ZCCHC7: variants seen among roughly 807,000 people sequenced by gnomAD.
ZCCHC7 encodes the protein zinc finger CCHC-type containing 7.
In ZCCHC7, 35 loss-of-function variants were observed where a neutral mutation model predicts 52.0. The observed-to-expected ratio is 0.67, with a 90% CI of 0.51 to 0.89. The LOEUF is 0.89. Ranked by LOEUF, ZCCHC7 falls within the 40% of genes least tolerant of loss-of-function variation. ZCCHC7 has a pLI of 0.00. For missense variants in ZCCHC7, 574 were observed against 649.1 expected (o/e 0.88, Z 1.26); for synonymous variants, 217 against 221.5 (o/e 0.98, Z 0.18).
rs745865708 is a variant in ZCCHC7 at position 37,126,493 on chromosome 9, A to G, written c.161A>G (p.His54Arg). 1.1e-5 allele frequency: 17 copies of G among 1,613,634 alleles called. No homozygotes were observed. The highest frequency in any genetic ancestry group is 1.4e-5 in the Non-Finnish European group (16 of 1,180,034). Residue 54 changes from histidine to arginine, a missense_variant, in exon 2 of 9, where the codon CAT becomes CGT. His to Arg is a conservative substitution (Grantham distance 29, BLOSUM62 0). Transcript: ENST00000336755. ...DLDDVIREEE[H>R]EEKNSGNSES... Reference sequence around the variant, plus strand: ...GATGATGTCATCAGGGAGGAAGAGCATGAAGAAAAGAACTCTGGGAATTCG... The same window carrying G: ...GATGATGTCATCAGGGAGGAAGAGCGTGAAGAAAAGAACTCTGGGAATTCG...
chr9:37,353,958 G>A (rs2118682418), intron 7 of ZCCHC7, among the ~76,000 whole-genome samples: 1 of 152,258 alleles, frequency 6.6e-6, no homozygotes, highest in East Asian at 1.9e-4. Flanking sequence ...ATAAACAAAA[G>A]CCTGCTATGT....
intron 6 of ZCCHC7, among the ~76,000 whole-genome samples, chr9:37,341,070 G>A (rs757138528): frequency 6.6e-6 from 1 of 152,088 alleles, no homozygotes; most frequent in Non-Finnish European, 1.5e-5. Context: ...AATAAGAAGT[G>A]TCAACATGAA....
chr9:37,318,351 C>T (rs577201434), intron 5 of ZCCHC7, among the ~76,000 whole-genome samples: 1 of 152,014 alleles, frequency 6.6e-6, no homozygotes, highest in South Asian at 2.1e-4. Flanking sequence ...ATCCCAACTA[C>T]TTGGGAGGCT....
chr9:37,176,742 A>G (rs1822054876), intron 2 of ZCCHC7, among the ~76,000 whole-genome samples: 1 of 152,186 alleles, frequency 6.6e-6, no homozygotes. Context: ...TCTAAACAGC[A>G]TTGCAGTGTT....
intron 5 of ZCCHC7, among the ~76,000 whole-genome samples, chr9:37,320,774 CTA>C (rs1426061564): frequency 6.6e-6 from 1 of 152,144 alleles, no homozygotes; most frequent in Non-Finnish European, 1.5e-5. Flanking sequence ...AAGCTGGATG[CTA>C]TCAACATCTT....
chr9:37,302,380 TG>T, intron 3 of ZCCHC7, 149 bp downstream of exon 3: 1 of 636,870 alleles, frequency 1.6e-6, no homozygotes, highest in Non-Finnish European at 2.7e-6. Context: ...TTCAGAAACT[TG>T]GTTCAGCCTT....
At chr9:37,271,535 A>G (rs1414876836) in intron 2 of ZCCHC7, among the ~76,000 whole-genome samples, 1 of 152,144 alleles carries the variant, frequency 6.6e-6, no homozygotes, top group Non-Finnish European at 1.5e-5. Flanking sequence ...ATGATATTGT[A>G]TTATGGTTAC....
intron 2 of ZCCHC7, among the ~76,000 whole-genome samples, chr9:37,251,324 T>C (rs549110165): frequency 2.0e-5 from 3 of 152,366 alleles, no homozygotes; most frequent in Admixed American, 6.5e-5. Context: ...GTCAAGATCT[T>C]GAAAGGTATC....
intron 2 of ZCCHC7, among the ~76,000 whole-genome samples, chr9:37,140,730 G>T (rs995551054): frequency 6.6e-6 from 1 of 151,918 alleles, no homozygotes; most frequent in African/African-American, 2.4e-5. Context: ...AACTGACTTT[G>T]GTGTATAATT....
chr9:37,247,644 C>A (rs1413913576), intron 2 of ZCCHC7, among the ~76,000 whole-genome samples: 3 of 152,090 alleles, frequency 2.0e-5, no homozygotes. Context: ...TAGTGGCTCA[C>A]ACCTTTAATT....
chr9:37,241,525 A>C (rs1825873017), intron 2 of ZCCHC7, among the ~76,000 whole-genome samples: 1 of 151,826 alleles, frequency 6.6e-6, no homozygotes, highest in Non-Finnish European at 1.5e-5. Context: ...ATTCTGAGTA[A>C]AGCTTTGATT....
In ZCCHC7 at chr9:37,220,249, G is replaced by A. The variant is rs181257771; in HGVS notation, c.611-81939G>A. On this transcript the variant is annotated intron_variant, in intron 2 of 8. Coordinates refer to ENST00000336755, the MANE Select transcript of ZCCHC7 (RefSeq NM_032226.3). ...TTAAGATTGGTGGTCAGTCAAAATG[G>A]AAGGGCATCGGCCAGGCGTGGTGGC... is the stretch of plus-strand genomic sequence containing the variant. Among the ~76,000 whole-genome samples the A allele has an allele frequency of 3.3e-3, 506 of 152,178 alleles. 3 individuals are homozygous for A. Among genetic ancestry groups the A allele is most frequent in the Non-Finnish European group, 4.6e-3 (316 of 67,982 alleles).
At chr9:37,190,682 G>T (rs1266065786) in intron 2 of ZCCHC7, among the ~76,000 whole-genome samples, 1 of 152,110 alleles carries the variant, frequency 6.6e-6, no homozygotes, top group African/African-American at 2.4e-5. Context: ...TAATGTATGG[G>T]TTTCCCCATA....
intron 2 of ZCCHC7, among the ~76,000 whole-genome samples, chr9:37,265,773 C>T (rs1186539171): frequency 1.3e-5 from 2 of 152,064 alleles, no homozygotes; most frequent in East Asian, 1.9e-4. Context: ...TATCCTATTG[C>T]CTTTAAAATT....
intron 6 of ZCCHC7, among the ~76,000 whole-genome samples, chr9:37,346,820 T>G (rs1346184728): frequency 6.6e-6 from 1 of 151,806 alleles, no homozygotes; most frequent in Non-Finnish European, 1.5e-5. Context: ...TACCAAAAAT[T>G]TAAAAAACAA....
chr9:37,126,909 A>G lies in ZCCHC7; in HGVS notation c.577A>G (p.Asn193Asp), dbSNP rs775594608. The change falls in exon 2 of 9, where the codon AAC becomes GAC. Residue 193 changes from asparagine (N) to aspartate (D), a missense_variant. Asn to Asp is a conservative substitution (Grantham distance 23). Around this residue, in one of 3 missense-constraint regions of ZCCHC7, gnomAD observed 403 missense variants for 461.2 expected, o/e 0.87. Transcript: ENST00000336755. ...TGATAAAGATGATGATATCCTTCTC[A>G]ACCTTGTGGGATGTGAAAACTCTGT... ...VDDKDDDILL[N>D]LVGCENSVTE... 1 of 1,614,010 alleles carries G rather than the reference A, an allele frequency of 6.2e-7. No individual in the cohort carries two copies. The highest frequency in any genetic ancestry group is 1.1e-5 in the South Asian group (1 of 91,072).
At chr9:37,126,096 A>G (rs1207825410) in intron 1 of ZCCHC7, among the ~76,000 whole-genome samples, 8 of 152,280 alleles carry the variant, frequency 5.3e-5, no homozygotes, top group Admixed American at 3.9e-4. Context: ...CTATAACTCA[A>G]TTTGTCAGTA....
intron 7 of ZCCHC7, among the ~76,000 whole-genome samples, chr9:37,350,908 T>A: frequency 6.6e-6 from 1 of 152,182 alleles, no homozygotes; most frequent in East Asian, 1.9e-4. Flanking sequence ...GATAAACTAA[T>A]ATCAAACCAG....
In ZCCHC7 at chr9:37,308,281, A is replaced by G. The variant is rs72737780; in HGVS notation, c.951+2567A>G. 7.3e-3 allele frequency among the ~76,000 whole-genome samples: 1,103 copies of G among 152,128 alleles called. 5 individuals carry two copies. The highest frequency in any genetic ancestry group is 0.013 in the South Asian group (64 of 4,818). ...TAGCATTATGTTGTTGTCTGCATTAAGTTGTCAATTATAATTTTCTTAGCA... is the reference window on the plus strand; with the variant it reads ...TAGCATTATGTTGTTGTCTGCATTAGGTTGTCAATTATAATTTTCTTAGCA... On this transcript the variant is annotated intron_variant, in intron 5 of 8. Coordinates refer to ENST00000336755, the MANE Select transcript of ZCCHC7 (RefSeq NM_032226.3).
Sources: gnomAD v4.1 joint callset for allele counts (sites outside exome capture counted in the v4.1 genomes callset) on GRCh38, gnomAD v4.1.1 for gene constraint, gnomAD v4.1.1 regional missense constraint, MANE v1.5 for transcripts, NCBI Gene and HGNC (gene_info 2026-07-23, HGNC 2026-07-21) for gene names.